SGK1: variants seen among roughly 807,000 people sequenced by gnomAD.
SGK1 encodes the protein serum/glucocorticoid regulated kinase 1, also known as serine/threonine-protein kinase Sgk1.
In SGK1, 26 loss-of-function variants were observed where a neutral mutation model predicts 64.2. That is an observed-to-expected ratio of 0.40 (90% confidence interval 0.30 to 0.56). SGK1 has a LOEUF of 0.56. Ranked by LOEUF, SGK1 falls within the 20% of genes least tolerant of loss-of-function variation. SGK1 has a pLI of 0.38. For missense variants in SGK1, 519 were observed against 645.6 expected (o/e 0.80, Z 2.12); for synonymous variants, 265 against 239.7 (o/e 1.11, Z -0.98).
intron 2 of SGK1, chr6:134,249,612 G>A (rs926423592): frequency 1.3e-5 from 2 of 152,208 alleles, no homozygotes; most frequent in Non-Finnish European, 2.9e-5. Flanking sequence ...TAACTGCGTG[G>A]TTGCTTGGAT....
chr6:134,221,017 G>A (rs1776083276), intron 2 of SGK1, among the ~76,000 whole-genome samples: 1 of 151,160 alleles, frequency 6.6e-6, no homozygotes, highest in Non-Finnish European at 1.5e-5. Context: ...AAAAAAGTTT[G>A]CTCAGGCCAG....
chr6:134,298,472 T>TGGG, intron 1 of SGK1: 1 of 825,238 alleles, frequency 1.2e-6, no homozygotes, highest in Non-Finnish European at 2.1e-6. Context: ...CCAGATTAAG[T>TGGG]GGGCTCAGCA....
At chr6:134,186,304 T>C (rs1775422470) in intron 3 of SGK1, among the ~76,000 whole-genome samples, 1 of 152,212 alleles carries the variant, frequency 6.6e-6, no homozygotes, top group African/African-American at 2.4e-5. Flanking sequence ...CCTTGGGTGA[T>C]GTTTACTCTT....
intron 2 of SGK1, among the ~76,000 whole-genome samples, chr6:134,239,723 G>A (rs1233207139): frequency 6.6e-6 from 1 of 152,192 alleles, no homozygotes; most frequent in Non-Finnish European, 1.5e-5. Context: ...ACTCAAAGAT[G>A]ACCTCTCATT....
intron 3 of SGK1, among the ~76,000 whole-genome samples, chr6:134,200,626 C>T (rs575712224): frequency 3.9e-5 from 6 of 152,278 alleles, no homozygotes; most frequent in African/African-American, 9.6e-5. Context: ...GTGTATCAGG[C>T]CAGATGCTGG....
intron 2 of SGK1, among the ~76,000 whole-genome samples, chr6:134,247,338 G>C (rs1776539702): frequency 6.6e-6 from 1 of 152,196 alleles, no homozygotes; most frequent in African/African-American, 2.4e-5. Flanking sequence ...GATGAGGTTA[G>C]AGTAGCAGGC....
chr6:134,248,506 C>T (rs78121179), intron 2 of SGK1, among the ~76,000 whole-genome samples: 5,607 of 134,528 alleles, frequency 0.042, 133 homozygotes, highest in African/African-American at 0.069. Flanking sequence ...GGCTGGAGTA[C>T]AGTAGTGAAA....
At chr6:134,308,173 C>T (rs1283700650) in intron 1 of SGK1, among the ~76,000 whole-genome samples, 1 of 152,030 alleles carries the variant, frequency 6.6e-6, no homozygotes, top group Non-Finnish European at 1.5e-5. Flanking sequence ...TAAATAAATA[C>T]TGGCCCAGAA....
At chr6:134,223,849 T>G (rs1010170364) in intron 2 of SGK1, among the ~76,000 whole-genome samples, 8 of 152,256 alleles carry the variant, frequency 5.3e-5, no homozygotes, top group African/African-American at 7.2e-5. Context: ...GTTTTTCTCA[T>G]GCAGTAGGCT....
intron 3 of SGK1, among the ~76,000 whole-genome samples, chr6:134,196,275 A>C (rs1775592979): frequency 6.6e-6 from 1 of 151,788 alleles, no homozygotes; most frequent in Admixed American, 6.6e-5. Context: ...TATGTTATCC[A>C]GGCTGGTCTT....
intron 1 of SGK1, among the ~76,000 whole-genome samples, chr6:134,313,233 G>T (rs1259796048): frequency 6.6e-6 from 1 of 152,116 alleles, no homozygotes; most frequent in Non-Finnish European, 1.5e-5. Context: ...GAGAGTCAAG[G>T]CTGGGCACAG....
At chr6:134,298,546 C>T in intron 1 of SGK1, 1 of 820,046 alleles carries the variant, frequency 1.2e-6, no homozygotes, top group Non-Finnish European at 2.1e-6. Flanking sequence ...TAGCCTCCAC[C>T]CAGGCTACCC....
At chr6:134,230,583 G>GC (rs55997806) in intron 2 of SGK1, 113,000 of 151,774 alleles carry the variant, frequency 0.74, 42,684 homozygotes, top group South Asian at 0.91. Context: ...AGGGAAAACC[G>GC]CCCCCCCATG....
intron 2 of SGK1, among the ~76,000 whole-genome samples, chr6:134,216,958 T>A (rs569226070): frequency 6.6e-6 from 1 of 152,142 alleles, no homozygotes. Context: ...AGTGCAAGAC[T>A]CATGGGCGAA....
At chr6:134,253,783 ATTC>A (rs1474519605) in intron 2 of SGK1, among the ~76,000 whole-genome samples, 2 of 152,172 alleles carry the variant, frequency 1.3e-5, no homozygotes, top group Non-Finnish European at 2.9e-5. Flanking sequence ...CTCAGTGTTA[ATTC>A]TTCTGTTTGC....
At chr6:134,177,328 G>C (rs1222027613) in intron 3 of SGK1, among the ~76,000 whole-genome samples, 1 of 152,214 alleles carries the variant, frequency 6.6e-6, no homozygotes, top group Non-Finnish European at 1.5e-5. Flanking sequence ...ACAGTAACTG[G>C]CCCATGTCTG....
chr6:134,186,320 G>C (rs1007034429), intron 3 of SGK1, among the ~76,000 whole-genome samples: 1 of 152,130 alleles, frequency 6.6e-6, no homozygotes, highest in Admixed American at 6.6e-5. Context: ...CTCTTCTGCT[G>C]ATATCCCATA....
chr6:134,249,185 G>GA (rs566797043), intron 2 of SGK1, among the ~76,000 whole-genome samples: 25 of 152,234 alleles, frequency 1.6e-4, no homozygotes, highest in South Asian at 1.0e-3. Flanking sequence ...ACCTCCTGCA[G>GA]AAAAAATCTC....
rs920750660 is a variant in SGK1, at chr6:134,218,076, A to G, written c.286-10645T>C. ...TCAAATGTTTTCTATATTCTACACAACTAGTAGAGTTCAGAGGATCAGAGA... is the reference window on the plus strand; with the variant it reads ...TCAAATGTTTTCTATATTCTACACAGCTAGTAGAGTTCAGAGGATCAGAGA... On this transcript the variant is annotated intron_variant, in intron 2 of 13. Coordinates refer to ENST00000367858, the MANE Select transcript of SGK1 (RefSeq NM_001143676.3). Among the ~76,000 whole-genome samples, 170 of 152,300 alleles carry G rather than the reference A, an allele frequency of 1.1e-3. 1 individual carries two copies. The highest frequency in any genetic ancestry group is 4.0e-3 in the African/African-American group (165 of 41,558).
Sources: allele counts gnomAD v4.1 joint callset (sites outside exome capture counted in the v4.1 genomes callset), GRCh38; gene constraint gnomAD v4.1.1; transcripts MANE v1.5; gene names NCBI Gene and HGNC (gene_info 2026-07-23, HGNC 2026-07-21).